Variants in RAPGEF4 observed in about 807,000 individuals in gnomAD.
RAPGEF4 encodes the protein RAP guanine-nucleotide-exchange factor (GEF) 4.
RAPGEF4 carries 66 observed loss-of-function variants against 147.9 expected under a neutral mutation model. The observed-to-expected ratio is 0.45, with a 90% confidence interval of 0.37 to 0.55. The LOEUF is 0.55. Ranked by LOEUF, RAPGEF4 falls within the 20% of genes least tolerant of loss-of-function variation. The pLI is 0.00. For synonymous variants in RAPGEF4, 419 were observed against 442.7 expected, an observed-to-expected ratio of 0.95 and a Z score of 0.67; for missense variants, 1,071 against 1,257.3, an observed-to-expected ratio of 0.85 and a Z score of 2.24.
At chr2:173,020,164 T>C (rs1695933033) in intron 22 of RAPGEF4, among the ~76,000 whole-genome samples, 1 of 152,254 alleles carries the variant, frequency 6.6e-6, no homozygotes, top group Non-Finnish European at 1.5e-5. Flanking sequence ...TTAATGCTAT[T>C]GCCCTGCAAA....
intron 1 of RAPGEF4, among the ~76,000 whole-genome samples, chr2:172,788,657 G>C (rs1439699904): frequency 1.3e-5 from 2 of 152,100 alleles, no homozygotes; most frequent in Non-Finnish European, 2.9e-5. Context: ...GACCGAAGCA[G>C]GAGGATTGGT....
At chr2:172,865,018 T>G (rs1694470743) in intron 4 of RAPGEF4, among the ~76,000 whole-genome samples, 1 of 152,240 alleles carries the variant, frequency 6.6e-6, no homozygotes, top group Admixed American at 6.5e-5. Context: ...TGCCTGCCCT[T>G]GTCACCTACC....
At chr2:172,839,780 CTT>C (rs1691377650) in intron 4 of RAPGEF4, among the ~76,000 whole-genome samples, 1 of 152,062 alleles carries the variant, frequency 6.6e-6, no homozygotes, top group African/African-American at 2.4e-5. Flanking sequence ...GAGAAGCTAC[CTT>C]TATTCATTCA....
intron 2 of RAPGEF4, among the ~76,000 whole-genome samples, chr2:172,795,942 C>CAAAAACAT (rs1259076961): frequency 6.6e-6 from 1 of 152,232 alleles, no homozygotes; most frequent in African/African-American, 2.4e-5. Context: ...TTTACTGATA[C>CAAAAACAT]AAAAACATCC....
chr2:172,860,290 A>G, intron 4 of RAPGEF4: 1 of 985,448 alleles, frequency 1.0e-6, no homozygotes, highest in Non-Finnish European at 1.2e-6. Flanking sequence ...ACCTGGGAGA[A>G]GTGTCTGGTG....
At chr2:172,839,865 G>T (rs781636095) in intron 4 of RAPGEF4, among the ~76,000 whole-genome samples, 1 of 152,146 alleles carries the variant, frequency 6.6e-6, no homozygotes, top group Non-Finnish European at 1.5e-5. Context: ...CCTGGGCATT[G>T]GGCGTACGGA....
chr2:172,809,565 G>C (rs1482485872), intron 3 of RAPGEF4, among the ~76,000 whole-genome samples: 1 of 152,112 alleles, frequency 6.6e-6, no homozygotes, highest in East Asian at 1.9e-4. Context: ...GAGTCTTGCT[G>C]TGACTCCCAG....
chr2:172,961,139 C>A lies in RAPGEF4; in HGVS notation c.609C>A (p.Ile203=), dbSNP rs1478910473. ...NTITKVPSEK[I]LRAGKILRNA... The stretch of plus-strand genomic sequence containing the variant: ...CAATCCAGGTCCCTTCAGAGAAGAT[C>A]CTCAGAGCTGGAAAAATTTTACGAA... The change falls in exon 8 of 31, where the codon ATC becomes ATA. Residue 203 remains isoleucine, a synonymous_variant. Transcript: ENST00000397081. 6.2e-7 allele frequency: 1 copy of A among 1,610,390 alleles called. No individual in the cohort carries two copies. Among genetic ancestry groups the A allele is most frequent in the Admixed American group, 1.7e-5 (1 of 60,012 alleles).
intron 1 of RAPGEF4, among the ~76,000 whole-genome samples, chr2:172,741,369 A>C (rs1435745557): frequency 6.6e-6 from 1 of 152,250 alleles, no homozygotes; most frequent in African/African-American, 2.4e-5. Context: ...GCCCAGGGCA[A>C]GATGGCCACA....
chr2:173,035,722 T>TA (rs1351864514), intron 27 of RAPGEF4, among the ~76,000 whole-genome samples: 1 of 152,176 alleles, frequency 6.6e-6, no homozygotes, highest in East Asian at 1.9e-4. Context: ...GCCTTACTGA[T>TA]AACATAAAGT....
chr2:172,767,087 C>A (rs1048723882), intron 1 of RAPGEF4, among the ~76,000 whole-genome samples: 1 of 151,780 alleles, frequency 6.6e-6, no homozygotes, highest in Non-Finnish European at 1.5e-5. Flanking sequence ...TTTTTATATA[C>A]GGTCATAGGT....
intron 4 of RAPGEF4, among the ~76,000 whole-genome samples, chr2:172,833,730 C>T (rs1406232295): frequency 3.3e-5 from 5 of 152,152 alleles, no homozygotes; most frequent in African/African-American, 1.2e-4. Flanking sequence ...GTTCCAGATA[C>T]ATTTTGTGAC....
At chr2:173,009,607 C>G (rs1017035221) in intron 17 of RAPGEF4, among the ~76,000 whole-genome samples, 2 of 152,112 alleles carry the variant, frequency 1.3e-5, no homozygotes, top group Admixed American at 1.3e-4. Context: ...AATCTGAAAT[C>G]CAAAACCACT....
chr2:172,765,252 T>C (rs1325280695), intron 1 of RAPGEF4, among the ~76,000 whole-genome samples: 1 of 152,228 alleles, frequency 6.6e-6, no homozygotes, highest in Non-Finnish European at 1.5e-5. Flanking sequence ...TAGTTCTATA[T>C]GACCTCTTCT....
At chr2:172,891,392 T>C (rs2149903924) in intron 4 of RAPGEF4, among the ~76,000 whole-genome samples, 1 of 152,346 alleles carries the variant, frequency 6.6e-6, no homozygotes, top group African/African-American at 2.4e-5. Context: ...TCTCAATGTA[T>C]ATTTGTCTCC....
At chr2:172,988,978 C>T (rs541582520) in intron 14 of RAPGEF4, 139 bp downstream of exon 14, 3 of 955,556 alleles carry the variant, frequency 3.1e-6, no homozygotes, top group Non-Finnish European at 4.6e-6. Flanking sequence ...TGTTACAAAC[C>T]GGTTATATTT....
chr2:172,925,138 C>G (rs1274758716), intron 6 of RAPGEF4, among the ~76,000 whole-genome samples: 3 of 152,140 alleles, frequency 2.0e-5, no homozygotes, highest in Admixed American at 6.5e-5. Context: ...CACCACCATG[C>G]CTGGCTAATT....
chr2:172,821,583 G>T, intron 4 of RAPGEF4: 1 of 991,200 alleles, frequency 1.0e-6, no homozygotes, highest in South Asian at 4.7e-5. Flanking sequence ...TCACAGTTCT[G>T]ATTCTTTTAA....
At chr2:172,964,401 ATTTTTTT>A (rs11374637) in intron 8 of RAPGEF4, among the ~76,000 whole-genome samples, 14 of 115,158 alleles carry the variant, frequency 1.2e-4, no homozygotes, top group South Asian at 6.1e-4. Context: ...TGCTCCTCCT[ATTTTTTT>A]TTTTTTTTTT....
Sources: gnomAD v4.1 joint callset for allele counts (sites outside exome capture counted in the v4.1 genomes callset) on GRCh38, gnomAD v4.1.1 for gene constraint, MANE v1.5 for transcripts, NCBI Gene and HGNC (gene_info 2026-07-23, HGNC 2026-07-21) for gene names.